The following ENTPD5 variants were observed in gnomAD, a reference collection of about 807,000 sequenced individuals.
The protein encoded by ENTPD5 is nucleoside diphosphate phosphatase ENTPD5.
A neutral mutation model predicts 60.2 loss-of-function variants in ENTPD5; 49 were observed. That is an observed-to-expected ratio of 0.81 (90% CI 0.65 to 1.03). The LOEUF (loss-of-function observed/expected upper bound fraction) is 1.03, where lower values mean the gene tolerates loss of function less well. Among genes scored for constraint, ENTPD5 ranks in the 50% least tolerant of loss-of-function variants. The pLI, the probability that ENTPD5 is intolerant of heterozygous loss-of-function variation, is 0.00. For synonymous variants in ENTPD5, 187 were observed against 185.4 expected (o/e 1.01, Z -0.07); for missense variants, 480 against 507.6 (o/e 0.95, Z 0.52).
At chr14:73,976,237 G>T in intron 9 of ENTPD5, 87 bp downstream of exon 9, 1 of 1,169,606 alleles carries the variant, frequency 8.5e-7, no homozygotes, top group Non-Finnish European at 1.3e-6. Context: ...TGGTAGAGCT[G>T]CTGGCTGAAA....
rs772691448 is a variant in ENTPD5 at position 73,977,018 on chromosome 14, T to A, written c.553+6A>T. ...AGCTCTAAAGATAAACTTGAGGATG[T>A]ATTACCTGTCAGAAAATTCACAGTA... On this transcript the variant is annotated splice_donor_region_variant and intron_variant, in intron 8 of 15. Transcript: ENST00000334696. 8.1e-6 allele frequency: 13 copies of A among 1,610,758 alleles called. No homozygotes were observed. In the Admixed American group the frequency reaches 2.2e-4, roughly 27 times the overall value.
At chr14:73,958,397 A>G, downstream of ENTPD5, 7 of 1,549,426 alleles carry the variant, frequency 4.5e-6, no homozygotes, top group Non-Finnish European at 6.1e-6. Flanking sequence ...TTTGGTTATG[A>G]GGACCAGTAC....
At chr14:73,981,119 T>C (rs1199518159) in intron 6 of ENTPD5, among the ~76,000 whole-genome samples, 1 of 151,138 alleles carries the variant, frequency 6.6e-6, no homozygotes, top group Admixed American at 6.6e-5. Flanking sequence ...AATAAATAAA[T>C]AAATAAATAA....
downstream of ENTPD5, chr14:73,955,565 G>A (rs1391748455): frequency 1.1e-5 from 17 of 1,520,894 alleles, no homozygotes; most frequent in East Asian, 4.5e-5. Context: ...TTAAGATATC[G>A]GAGTCCACTT....
At position 73,972,969 on chromosome 14, in the gene ENTPD5, T is replaced by C; in HGVS notation, c.942A>G (p.Lys314=). The C allele has an allele frequency of 5.6e-6, 9 of 1,614,128 alleles. No homozygotes were observed. The highest frequency in any genetic ancestry group is 7.6e-6 in the Non-Finnish European group (9 of 1,180,014). The part of the protein sequence containing the change: ...YAEVLRVVRG[K]LHQPEEVQRG... ...TCTGGACCTCCTCTGGCTGGTGAAG[T>C]TTTCCTCGTACCACCCTCAGCACTT... Residue 314 remains lysine (K), a synonymous_variant, in exon 13 of 16, where the codon AAA becomes AAG. Transcript: ENST00000334696.
chr14:73,987,967 TG>T lies in ENTPD5; in HGVS notation c.135del (p.Ser46AlafsTer33). 6.2e-7 allele frequency: 1 copy of T among 1,614,182 alleles called. No individual in the cohort carries two copies. The highest frequency in any genetic ancestry group is 8.5e-7 in the Non-Finnish European group (1 of 1,180,026). The stretch of plus-strand genomic sequence containing the variant: ...TCAAACATAATTCCATACAAGGTGC[TG>T]GCGCTGACATTGATGGGGCACATGG... ...LSSMCPINVS[A>X]STLYGIMFDA... On this transcript the variant is annotated frameshift_variant, in exon 4 of 16. Transcript: ENST00000334696. LOFTEE classifies it high-confidence loss of function.
intron 3 of ENTPD5, among the ~76,000 whole-genome samples, chr14:73,989,951 G>T (rs1031246947): frequency 2.0e-5 from 3 of 152,010 alleles, no homozygotes; most frequent in African/African-American, 7.2e-5. Context: ...AGGTTCCAGT[G>T]AGCAGACATC....
chr14:73,999,708 C>T (rs1193344016), intron 3 of ENTPD5, among the ~76,000 whole-genome samples: 1 of 152,066 alleles, frequency 6.6e-6, no homozygotes, highest in Non-Finnish European at 1.5e-5. Context: ...AGGAGAATTG[C>T]TTGAACCTGG....
At position 73,973,655 on chromosome 14, in the gene ENTPD5, A is replaced by C. The variant is rs147725974; in HGVS notation, c.886+222T>G. On this transcript the variant is annotated intron_variant, in intron 12 of 15. Transcript: ENST00000334696. ...AGATGTGCACCACAGCACTTGGCTA[A>C]GGGCAGGTATCTAATGGGTCCATGA... Among the ~76,000 whole-genome samples the C allele has an allele frequency of 2.0e-5, 3 of 152,316 alleles. No homozygotes were observed. In the East Asian group the frequency reaches 5.8e-4, roughly 29 times the overall value.
intron 9 of ENTPD5, 82 bp from the exon 10 acceptor site, chr14:73,976,097 CA>C: frequency 8.3e-7 from 1 of 1,202,288 alleles, no homozygotes; most frequent in South Asian, 1.3e-5. Flanking sequence ...TCCCTCCCAG[CA>C]AAAAATCAGA....
At chr14:73,977,225 C>T in intron 7 of ENTPD5, 74 bp downstream of exon 7, 1 of 1,339,430 alleles carries the variant, frequency 7.5e-7, no homozygotes, top group Non-Finnish European at 1.1e-6. Flanking sequence ...TATTCCTGGC[C>T]CCAGTTCCTT....
downstream of ENTPD5, chr14:73,958,912 A>G (rs2056572190): frequency 1.9e-6 from 3 of 1,605,346 alleles, no homozygotes; most frequent in African/African-American, 2.7e-5. Context: ...GCAGAGAAAA[A>G]CTTCTGAAGC....
At chr14:74,017,910 G>A (rs570174740) in intron 1 of ENTPD5, among the ~76,000 whole-genome samples, 2 of 151,072 alleles carry the variant, frequency 1.3e-5, no homozygotes, top group Non-Finnish European at 2.9e-5. Context: ...CAGCCGGGGC[G>A]GTGGCCCACG....
chr14:73,975,093 A>C (rs2057385116), intron 10 of ENTPD5, 108 bp from the exon 11 acceptor site: 8 of 866,404 alleles, frequency 9.2e-6, no homozygotes, highest in African/African-American at 1.7e-5. Flanking sequence ...GAAAGATGAA[A>C]ACCTTGTTCT....
intron 4 of ENTPD5, among the ~76,000 whole-genome samples, chr14:73,987,524 T>C (rs2140636265): frequency 6.6e-6 from 1 of 151,966 alleles, no homozygotes; most frequent in East Asian, 1.9e-4. Flanking sequence ...AATTTAAAAA[T>C]GAGCTGGGCA....
Position 74,015,366 on chromosome 14 carries a change from C to CT in ENTPD5, c.-131+457dup, listed in dbSNP as rs562387653. ...AAGTACTACCCACCCCCCGCCCCCC[C>CT]TTTTTTTTTTGAGAAACAGTCACAC... On this transcript the variant is annotated intron_variant, in intron 2 of 15. Coordinates refer to ENST00000334696, the MANE Select transcript of ENTPD5 (RefSeq NM_001249.5). 0.01 allele frequency among the ~76,000 whole-genome samples: 926 copies of CT among 90,772 alleles called. 7 individuals are homozygous for CT. The Middle Eastern group carries it at 0.15, about 15-fold the overall frequency. The allele number at this position is 90,772 out of a possible 152,430, so 59.5% of individuals were successfully genotyped here.
chr14:73,955,836 T>C, downstream of ENTPD5: 1 of 1,614,118 alleles, frequency 6.2e-7, no homozygotes, highest in Middle Eastern at 1.6e-4. Flanking sequence ...GCCCTGATAA[T>C]GTTTGATAAG....
In ENTPD5 at chr14:73,965,052, T is replaced by C. The variant is rs1712833000; in HGVS notation, c.*1876A>G. The C allele has an allele frequency of 6.6e-6, 1 of 152,202 alleles. No homozygotes were observed. The highest frequency in any genetic ancestry group is 2.4e-5 in the African/African-American group (1 of 41,460). The allele number at this position is 152,202 out of a possible 1,614,324, so 9.4% of individuals were successfully genotyped here. ...AGCATTTTGAGGAAGGCAGTTGGTA[T>C]AAAGGTGACCTTAGTAATAAAAGTC... On this transcript the variant is annotated 3_prime_UTR_variant, in exon 16 of 16. Transcript: ENST00000334696.
intron 3 of ENTPD5, among the ~76,000 whole-genome samples, chr14:74,003,660 GC>G (rs1230630654): frequency 2.0e-5 from 3 of 152,104 alleles, no homozygotes; most frequent in Admixed American, 1.3e-4. Flanking sequence ...AACCAAAACT[GC>G]CCATGTTGGT....
Sources: allele counts gnomAD v4.1 joint callset (sites outside exome capture counted in the v4.1 genomes callset), GRCh38; gene constraint gnomAD v4.1.1; transcripts MANE v1.5; gene names NCBI Gene and HGNC (gene_info 2026-07-23, HGNC 2026-07-21).